UNC13C: variants seen among roughly 807,000 people sequenced by gnomAD.
The protein encoded by UNC13C is protein unc-13 homolog C.
A neutral mutation model predicts 245.4 loss-of-function variants in UNC13C; 174 were observed. The ratio of observed to expected loss-of-function variants is 0.71; its 90% CI spans 0.63 to 0.80. The LOEUF (loss-of-function observed/expected upper bound fraction) is 0.80, where lower values mean the gene tolerates loss of function less well. Among genes scored for constraint, UNC13C ranks in the 30% least tolerant of loss-of-function variants. The pLI, the probability that UNC13C is intolerant of heterozygous loss-of-function variation, is 0.00. For missense variants in UNC13C, 2,829 were observed against 2,602.9 expected, an observed-to-expected ratio of 1.09 and a Z score of -1.89; for synonymous variants, 992 against 895.1, an observed-to-expected ratio of 1.11 and a Z score of -1.93.
chr15:54,309,297 G>A (rs775070166), intron 13 of UNC13C, among the ~76,000 whole-genome samples: 5 of 151,842 alleles, frequency 3.3e-5, no homozygotes, highest in Non-Finnish European at 5.9e-5. Context: ...GCATTTGTAT[G>A]TCTTCTTCAG....
At chr15:54,616,094 G>T (rs1900413652) in intron 30 of UNC13C, among the ~76,000 whole-genome samples, 1 of 151,988 alleles carries the variant, frequency 6.6e-6, no homozygotes, top group African/African-American at 2.4e-5. Flanking sequence ...AACCAACATG[G>T]TGACTTACCT....
At chr15:54,126,984 G>A (rs781034893) in intron 2 of UNC13C, among the ~76,000 whole-genome samples, 35 of 152,192 alleles carry the variant, frequency 2.3e-4, no homozygotes, top group Non-Finnish European at 4.6e-4. Context: ...TTAGAGAAAT[G>A]CAAATCAAAA....
chr15:54,114,481 T>C (rs1363677949), intron 2 of UNC13C, among the ~76,000 whole-genome samples: 1 of 152,196 alleles, frequency 6.6e-6, no homozygotes, highest in Non-Finnish European at 1.5e-5. Context: ...AACTTGCTTT[T>C]TTCACTCCAT....
At chr15:54,416,701 C>A (rs1167362431) in intron 19 of UNC13C, among the ~76,000 whole-genome samples, 1 of 152,026 alleles carries the variant, frequency 6.6e-6, no homozygotes, top group African/African-American at 2.4e-5. Context: ...ACTCTGCATC[C>A]CCCCACCCTA....
At chr15:54,242,658 T>A (rs2035884768) in intron 7 of UNC13C, among the ~76,000 whole-genome samples, 1 of 152,170 alleles carries the variant, frequency 6.6e-6, no homozygotes, top group South Asian at 2.1e-4. Context: ...ACTACTTTTC[T>A]AAGTTATAGA....
intron 2 of UNC13C, among the ~76,000 whole-genome samples, chr15:54,025,734 A>G (rs974928363): frequency 3.3e-5 from 5 of 152,260 alleles, no homozygotes; most frequent in Middle Eastern, 3.4e-3. Context: ...ATTACAAGCT[A>G]TTTTCCCAAA....
chr15:54,289,496 GT>G (rs897728127), intron 10 of UNC13C, among the ~76,000 whole-genome samples: 17 of 152,012 alleles, frequency 1.1e-4, no homozygotes, highest in African/African-American at 4.1e-4. Flanking sequence ...TCAGTTCTAT[GT>G]TTTTAGACTC....
At chr15:54,312,946 T>C (rs930100959) in intron 13 of UNC13C, among the ~76,000 whole-genome samples, 14 of 151,824 alleles carry the variant, frequency 9.2e-5, no homozygotes, top group Admixed American at 2.6e-4. Context: ...AAATCTTTGA[T>C]TGGTAACCTT....
At chr15:54,310,774 ATC>A (rs779190928) in intron 13 of UNC13C, among the ~76,000 whole-genome samples, 22 of 101,574 alleles carry the variant, frequency 2.2e-4, no homozygotes, top group Middle Eastern at 8.5e-3. Context: ...CTATATCTAT[ATC>A]TATATATATG....
chr15:54,356,291 G>A (rs1167023717), intron 17 of UNC13C, among the ~76,000 whole-genome samples: 1 of 152,066 alleles, frequency 6.6e-6, no homozygotes, highest in Non-Finnish European at 1.5e-5. Context: ...GGGAATTTTA[G>A]TAGATACCAA....
In UNC13C at chr15:54,293,923, A is replaced by G; in HGVS notation, c.3847A>G (p.Lys1283Glu). Residue 1283 changes from lysine (K) to glutamate (E), a missense_variant, in exon 11 of 33, where the codon AAA becomes GAA. By Grantham distance (56) the Lys-to-Glu change is moderately conservative. Coordinates refer to ENST00000260323, the MANE Select transcript of UNC13C (RefSeq NM_001080534.3). The part of the protein sequence containing the change: ...FECHNSTDRI[K>E]VRVWDEDDDI... ...GTGTCATAACTCCACAGATCGAATC[A>G]AAGTCAGAGTATGGGATGAAGATGA... 2 of 1,584,054 alleles carry G rather than the reference A, an allele frequency of 1.3e-6. No individual in the cohort carries two copies. The highest frequency in any genetic ancestry group is 1.7e-6 in the Non-Finnish European group (2 of 1,168,814).
At chr15:53,945,084 C>G in the UNC13C span, among the ~76,000 whole-genome samples, 1 of 151,840 alleles carries the variant, frequency 6.6e-6, no homozygotes, top group Non-Finnish European at 1.5e-5. Flanking sequence ...CTGTTCATGT[C>G]CTTTGCCCAT....
chr15:54,057,837 T>C (rs1269477292), intron 2 of UNC13C, among the ~76,000 whole-genome samples: 1 of 152,188 alleles, frequency 6.6e-6, no homozygotes, highest in Non-Finnish European at 1.5e-5. Context: ...ACATGGAAAC[T>C]GAACAACCTG....
At chr15:53,973,168 G>A in the UNC13C span, among the ~76,000 whole-genome samples, 27 of 152,104 alleles carry the variant, frequency 1.8e-4, no homozygotes, top group South Asian at 6.2e-4. Context: ...ATCAAAGAAT[G>A]GCTCTTTGGT....
intron 1 of UNC13C, among the ~76,000 whole-genome samples, chr15:53,996,281 G>C (rs1203259245): frequency 2.6e-5 from 4 of 152,136 alleles, no homozygotes; most frequent in Non-Finnish European, 4.4e-5. Context: ...GACAACTTCA[G>C]TTCGTCTTTA....
chr15:54,331,994 A>G (rs1261020436), intron 14 of UNC13C, 49 bp from the exon 15 acceptor site: 1 of 1,263,644 alleles, frequency 7.9e-7, no homozygotes, highest in Admixed American at 2.3e-5. Context: ...TGAGGTCTTT[A>G]GAGTGGTCAT....
intron 2 of UNC13C, among the ~76,000 whole-genome samples, chr15:54,038,606 CT>C (rs1401130463): frequency 6.6e-6 from 1 of 152,022 alleles, no homozygotes; most frequent in Non-Finnish European, 1.5e-5. Context: ...TTTATGAAAA[CT>C]TTGATAAACA....
chr15:54,062,914 C>T (rs892931808), intron 2 of UNC13C, among the ~76,000 whole-genome samples: 1 of 152,192 alleles, frequency 6.6e-6, no homozygotes, highest in African/African-American at 2.4e-5. Context: ...TACCCCATCC[C>T]CTTTCATTGA....
chr15:54,218,946 A>T (rs2035129919), intron 4 of UNC13C, among the ~76,000 whole-genome samples: 1 of 152,150 alleles, frequency 6.6e-6, no homozygotes, highest in Admixed American at 6.6e-5. Flanking sequence ...ATGAAATAAA[A>T]GAGGATACAA....
Sources: allele counts gnomAD v4.1 joint callset (sites outside exome capture counted in the v4.1 genomes callset), GRCh38; gene constraint gnomAD v4.1.1; transcripts MANE v1.5; gene names NCBI Gene and HGNC (gene_info 2026-07-23, HGNC 2026-07-21).